The following SOX5 variants were observed in gnomAD, a reference collection of about 807,000 sequenced individuals.
SOX5 encodes SRY-box transcription factor 5, also known as transcription factor SOX-5.
A neutral mutation model predicts 92.0 loss-of-function variants in SOX5; 9 were observed. The observed-to-expected ratio is 0.10, with a 90% CI of 0.06 to 0.17. The LOEUF (loss-of-function observed/expected upper bound fraction) is 0.17. SOX5 is among the 10% of genes least tolerant of loss of function. The probability of loss-of-function intolerance (pLI) is 1.00; values close to 1 mark genes in which losing one functional copy is unlikely to be tolerated. For missense variants in SOX5, 642 were observed against 944.5 expected, an observed-to-expected ratio of 0.68 and a Z score of 4.20; for synonymous variants, 344 against 336.3, an observed-to-expected ratio of 1.02 and a Z score of -0.25.
At chr12:24,493,366 CATAAA>C (rs755333034) in intron 1 of SOX5, among the ~76,000 whole-genome samples, 164 of 151,802 alleles carry the variant, frequency 1.1e-3, no homozygotes, top group Non-Finnish European at 1.4e-3. Flanking sequence ...GATTCTGGAA[CATAAA>C]ATAAAAAGAA....
intron 3 of SOX5, among the ~76,000 whole-genome samples, chr12:23,821,479 G>A (rs941816042): frequency 2.0e-5 from 3 of 152,208 alleles, no homozygotes; most frequent in South Asian, 4.1e-4. Context: ...GGAGTGGAGA[G>A]AGAGGGCATC....
At position 24,140,684 on chromosome 12, in the gene SOX5, A is replaced by G. The variant is rs139295870; in HGVS notation, c.-2+72659T>C. 2.3e-3 allele frequency among the ~76,000 whole-genome samples: 346 copies of G among 152,260 alleles called. 1 individual carries two copies. Among genetic ancestry groups the G allele is most frequent in the African/African-American group, 8.1e-3 (335 of 41,568 alleles). ...AGATAGAAAATTCTCCCCCCTCAAC[A>G]AGAAAAGATGTTAGAATCTTTCTAA... On this transcript the variant is annotated intron_variant, in intron 4 of 4. Transcript: ENST00000446891.
chr12:23,633,704 C>T (rs979242153), intron 8 of SOX5, among the ~76,000 whole-genome samples: 3 of 151,988 alleles, frequency 2.0e-5, no homozygotes, highest in African/African-American at 7.2e-5. Context: ...ATAAACACAT[C>T]CTTCCATTAT....
chr12:23,855,169 T>C (rs1255957142), intron 2 of SOX5, among the ~76,000 whole-genome samples: 3 of 152,030 alleles, frequency 2.0e-5, no homozygotes, highest in Non-Finnish European at 2.9e-5. Flanking sequence ...ATACAAGCAG[T>C]TTTTATAGTT....
At chr12:23,839,477 G>A (rs4963718) in intron 3 of SOX5, among the ~76,000 whole-genome samples, 60,990 of 151,740 alleles carry the variant, frequency 0.4, 13,626 homozygotes, top group Middle Eastern at 0.56. Flanking sequence ...AACATGAGAG[G>A]GAAACACTTC....
intron 8 of SOX5, 42 bp from the exon 9 acceptor site, chr12:23,604,575 A>G: frequency 6.3e-7 from 1 of 1,582,750 alleles, no homozygotes; most frequent in Non-Finnish European, 8.7e-7. Flanking sequence ...AATACTGTGA[A>G]TAATAAAATA....
intron 5 of SOX5, among the ~76,000 whole-genome samples, chr12:23,736,540 A>G (rs4567556): frequency 0.74 from 111,942 of 151,920 alleles, 41,354 homozygotes; most frequent in East Asian, 0.81. Flanking sequence ...ACATCACCAT[A>G]AACAAAAGAA....
chr12:24,041,638 T>G (rs1956535663), intron 4 of SOX5, among the ~76,000 whole-genome samples: 4 of 152,154 alleles, frequency 2.6e-5, no homozygotes, highest in African/African-American at 2.4e-5. Flanking sequence ...TCCAAACTGT[T>G]TCCATGATCG....
chr12:24,361,911 T>C (rs746029108), intron 2 of SOX5, among the ~76,000 whole-genome samples: 1 of 152,050 alleles, frequency 6.6e-6, no homozygotes, highest in South Asian at 2.1e-4. Context: ...ACTCCAAGAG[T>C]CCAGAGCTAC....
At chr12:24,342,854 A>C (rs1952739502) in intron 2 of SOX5, among the ~76,000 whole-genome samples, 1 of 152,238 alleles carries the variant, frequency 6.6e-6, no homozygotes. Context: ...GCGAAATGGT[A>C]AATAGAAAAC....
chr12:23,877,255 T>C (rs1238870505), intron 2 of SOX5, among the ~76,000 whole-genome samples: 1 of 152,198 alleles, frequency 6.6e-6, no homozygotes, highest in Admixed American at 6.5e-5. Flanking sequence ...GAGTTTGGTA[T>C]TGCAGTTATG....
At chr12:23,906,766 T>C (rs1482885763) in intron 1 of SOX5, among the ~76,000 whole-genome samples, 1 of 152,142 alleles carries the variant, frequency 6.6e-6, no homozygotes, top group African/African-American at 2.4e-5. Context: ...ATAAGTACAA[T>C]TTTTCTGACC....
intron 2 of SOX5, among the ~76,000 whole-genome samples, chr12:24,351,546 G>C (rs1440737136): frequency 6.6e-6 from 1 of 152,152 alleles, no homozygotes; most frequent in East Asian, 1.9e-4. Context: ...AGGTACCTAG[G>C]TTGAAAGAAC....
At chr12:24,264,629 G>A (rs923962331) in intron 3 of SOX5, among the ~76,000 whole-genome samples, 10 of 151,972 alleles carry the variant, frequency 6.6e-5, no homozygotes, top group Admixed American at 1.3e-4. Context: ...GAATAATCAC[G>A]TCTTCAAATT....
chr12:24,228,036 G>A lies in SOX5; in HGVS notation c.-76-14619C>T, dbSNP rs138791358. On this transcript the variant is annotated intron_variant, in intron 3 of 4. Coordinates refer to the SOX5 transcript ENST00000446891. ...GTGTGAAGAGTGGATCTGGGGAACC[G>A]AATGGGTGCAGATGTCTCCACTGAC... Among the ~76,000 whole-genome samples the A allele has an allele frequency of 1.7e-3, 255 of 152,288 alleles. 1 individual carries two copies. Among genetic ancestry groups the A allele is most frequent in the African/African-American group, 5.6e-3 (233 of 41,572 alleles).
chr12:24,428,988 T>C (rs1000878382), intron 1 of SOX5, among the ~76,000 whole-genome samples: 33 of 151,938 alleles, frequency 2.2e-4, no homozygotes, highest in African/African-American at 7.5e-4. Context: ...ATTGCTGTGG[T>C]TATGAGCAAC....
chr12:24,290,967 A>G (rs1946554873), intron 2 of SOX5, among the ~76,000 whole-genome samples: 1 of 152,228 alleles, frequency 6.6e-6, no homozygotes, highest in Non-Finnish European at 1.5e-5. Flanking sequence ...TACTTGTAAA[A>G]ACAGGGTTGC....
chr12:24,028,611 G>C (rs1174080738), intron 4 of SOX5, among the ~76,000 whole-genome samples: 1 of 151,822 alleles, frequency 6.6e-6, no homozygotes, highest in South Asian at 2.1e-4. Context: ...GATTAGTACG[G>C]GATGATAACT....
At chr12:24,180,417 T>A (rs920783714) in intron 4 of SOX5, among the ~76,000 whole-genome samples, 2 of 152,182 alleles carry the variant, frequency 1.3e-5, no homozygotes, top group African/African-American at 4.8e-5. Flanking sequence ...TCAGTTAACA[T>A]GAATTAGTCC....
Sources: allele counts gnomAD v4.1 joint callset (sites outside exome capture counted in the v4.1 genomes callset), GRCh38; gene constraint gnomAD v4.1.1; transcripts MANE v1.5; gene names NCBI Gene and HGNC (gene_info 2026-07-23, HGNC 2026-07-21).